TMCO5A: variants seen among roughly 807,000 people sequenced by gnomAD.
The protein encoded by TMCO5A is transmembrane and coiled-coil domains 5A, also known as transmembrane and coiled-coil domain-containing protein 5A.
A neutral mutation model predicts 42.3 loss-of-function variants in TMCO5A; 34 were observed. That is an observed-to-expected ratio of 0.80 (90% CI 0.61 to 1.07). The LOEUF is 1.07. Among genes scored for constraint, TMCO5A ranks in the 50% least tolerant of loss-of-function variants. TMCO5A has a pLI of 0.00. For missense variants in TMCO5A, 357 were observed against 327.9 expected (o/e 1.09, Z -0.69); for synonymous variants, 131 against 115.6 (o/e 1.13, Z -0.86).
intron 11 of TMCO5A, 38 bp from the exon 12 acceptor site, chr15:37,950,998 A>G: frequency 6.3e-7 from 1 of 1,576,580 alleles, no homozygotes; most frequent in Non-Finnish European, 8.6e-7. Context: ...AAGTTTTCTA[A>G]GCTTCTGGTT....
chr15:37,950,336 A>C (rs1890115670), intron 11 of TMCO5A, among the ~76,000 whole-genome samples: 1 of 152,186 alleles, frequency 6.6e-6, no homozygotes, highest in South Asian at 2.1e-4. Flanking sequence ...CATCGATCCT[A>C]ATTAAAGAAA....
the TMCO5A span, among the ~76,000 whole-genome samples, chr15:38,001,850 A>G: frequency 6.6e-6 from 1 of 151,964 alleles, no homozygotes; most frequent in Non-Finnish European, 1.5e-5. Flanking sequence ...TGTTGTTCCT[A>G]TTTATATCTT....
the TMCO5A span, among the ~76,000 whole-genome samples, chr15:38,033,649 G>A: frequency 6.6e-6 from 1 of 151,496 alleles, no homozygotes; most frequent in African/African-American, 2.4e-5. Flanking sequence ...TTTTTAGAGA[G>A]AGAGTCTCGC....
chr15:38,023,080 T>C, the TMCO5A span, among the ~76,000 whole-genome samples: 3 of 152,154 alleles, frequency 2.0e-5, no homozygotes, highest in Non-Finnish European at 4.4e-5. Flanking sequence ...AAAGATCATC[T>C]GGAAATGTAA....
At chr15:37,941,990 A>G (rs533544742) in intron 8 of TMCO5A, among the ~76,000 whole-genome samples, 4 of 152,226 alleles carry the variant, frequency 2.6e-5, no homozygotes, top group South Asian at 2.1e-4. Context: ...TATAATGTCA[A>G]TGATGCCCAG....
Position 37,936,898 on chromosome 15 carries a change from G to A in TMCO5A, c.192G>A (p.Trp64Ter), listed in dbSNP as rs977183613. The change falls in exon 4 of 12, where the codon TGG becomes TGA. Residue 64 changes from tryptophan (W) to a stop codon, truncating the protein, a stop_gained. Coordinates refer to ENST00000319669, the MANE Select transcript of TMCO5A (RefSeq NM_152453.4). LOFTEE classifies it high-confidence loss of function. Reference protein sequence around the residue: ...QTRGLVEDEEWEKENRTTMER... With the variant: ...QTRGLVEDEE The stretch of plus-strand genomic sequence containing the variant: ...GGGGCCTGGTGGAAGATGAAGAGTG[G>A]GAGAAGGAGAACCGCACCACGATGG... 4 of 1,612,426 alleles carry A rather than the reference G, an allele frequency of 2.5e-6. No individual in the cohort carries two copies. The highest frequency in any genetic ancestry group is 3.4e-6 in the Non-Finnish European group (4 of 1,179,172).
At chr15:38,006,393 G>A in the TMCO5A span, among the ~76,000 whole-genome samples, 1 of 152,158 alleles carries the variant, frequency 6.6e-6, no homozygotes, top group Non-Finnish European at 1.5e-5. Flanking sequence ...AGGTGGTTGA[G>A]CTTATGGACT....
intron 3 of TMCO5A, 109 bp downstream of exon 3, chr15:37,936,572 CA>C: frequency 7.3e-7 from 1 of 1,370,950 alleles, no homozygotes; most frequent in Non-Finnish European, 9.8e-7. Flanking sequence ...CCTTGTGTGG[CA>C]AAAAGTTAAT....
At chr15:37,960,878 G>T (rs193234939) in intron 11 of TMCO5A, among the ~76,000 whole-genome samples, 4 of 151,980 alleles carry the variant, frequency 2.6e-5, no homozygotes, top group Non-Finnish European at 4.4e-5. Flanking sequence ...TAATGGGATT[G>T]TTTGGTTTTT....
At chr15:37,991,572 A>G in the TMCO5A span, among the ~76,000 whole-genome samples, 1 of 152,098 alleles carries the variant, frequency 6.6e-6, no homozygotes, top group Non-Finnish European at 1.5e-5. Context: ...GACTTCCGCA[A>G]CATGTATGCT....
At chr15:38,037,654 G>C in the TMCO5A span, among the ~76,000 whole-genome samples, 4 of 152,070 alleles carry the variant, frequency 2.6e-5, no homozygotes, top group Non-Finnish European at 5.9e-5. Context: ...GGAGAAGTAG[G>C]GCCACATCAC....
intron 11 of TMCO5A, among the ~76,000 whole-genome samples, chr15:37,957,645 C>T (rs1020187742): frequency 5.9e-5 from 9 of 152,080 alleles, no homozygotes; most frequent in Admixed American, 2.6e-4. Context: ...TAATCAATGT[C>T]GTGAAAATGG....
chr15:38,003,124 A>G, the TMCO5A span, among the ~76,000 whole-genome samples: 1 of 152,152 alleles, frequency 6.6e-6, no homozygotes, highest in Non-Finnish European at 1.5e-5. Context: ...GCAGGCTTGT[A>G]GAGGTACTTC....
At chr15:37,939,223 T>C (rs538062201) in intron 6 of TMCO5A, among the ~76,000 whole-genome samples, 1 of 152,162 alleles carries the variant, frequency 6.6e-6, no homozygotes, top group African/African-American at 2.4e-5. Context: ...TCTGAAAATT[T>C]GGATACATAG....
chr15:38,007,982 G>A, the TMCO5A span, among the ~76,000 whole-genome samples: 1 of 133,390 alleles, frequency 7.5e-6, no homozygotes, highest in Admixed American at 8.8e-5. Context: ...TGCAAGCTCC[G>A]CCTCCCAGGT....
At chr15:38,013,358 C>A in the TMCO5A span, among the ~76,000 whole-genome samples, 1 of 151,156 alleles carries the variant, frequency 6.6e-6, no homozygotes. Context: ...GTCCCTCCCC[C>A]CCTCTAGTGT....
the TMCO5A span, among the ~76,000 whole-genome samples, chr15:37,973,865 T>G: frequency 6.6e-6 from 1 of 152,138 alleles, no homozygotes; most frequent in Admixed American, 6.5e-5. Context: ...TGTTTCAAGT[T>G]TTTGCCCATT....
the TMCO5A span, among the ~76,000 whole-genome samples, chr15:37,973,664 G>C: frequency 6.6e-6 from 1 of 152,240 alleles, no homozygotes; most frequent in East Asian, 1.9e-4. Context: ...AGGAGCTTCT[G>C]GGCTGAGACT....
At chr15:37,991,512 T>C in the TMCO5A span, among the ~76,000 whole-genome samples, 4 of 152,162 alleles carry the variant, frequency 2.6e-5, no homozygotes, top group East Asian at 7.7e-4. Context: ...TGGAAAGTTT[T>C]CAGCTATTCT....
Sources: allele counts gnomAD v4.1 joint callset (sites outside exome capture counted in the v4.1 genomes callset), GRCh38; gene constraint gnomAD v4.1.1; transcripts MANE v1.5; gene names NCBI Gene and HGNC (gene_info 2026-07-23, HGNC 2026-07-21).